RASGRF2: variants seen among roughly 807,000 people sequenced by gnomAD.
RASGRF2 encodes ras-specific guanine nucleotide-releasing factor 2.
Under a neutral mutation model 151.0 loss-of-function variants are expected in RASGRF2, and 76 were observed. The ratio of observed to expected loss-of-function variants is 0.50; its 90% CI spans 0.42 to 0.61. RASGRF2 has a LOEUF of 0.61. Ranked by LOEUF, RASGRF2 falls within the 20% of genes least tolerant of loss-of-function variation. The probability of loss-of-function intolerance (pLI) is 0.00; values close to 1 mark genes in which losing one functional copy is unlikely to be tolerated. For synonymous variants in RASGRF2, 504 were observed against 566.5 expected (o/e 0.89, Z 1.57); for missense variants, 1,148 against 1,564.6 (o/e 0.73, Z 4.49).
chr5:81,009,886 C>T (rs973197110), intron 1 of RASGRF2, among the ~76,000 whole-genome samples: 6 of 152,178 alleles, frequency 3.9e-5, no homozygotes, highest in South Asian at 4.2e-4. Context: ...AGGCCGGGTG[C>T]GGTGGCTCAC....
intron 19 of RASGRF2, among the ~76,000 whole-genome samples, chr5:81,205,814 T>C (rs1250454808): frequency 2.6e-5 from 4 of 152,098 alleles, no homozygotes; most frequent in African/African-American, 9.7e-5. Flanking sequence ...GCAGTGGCGC[T>C]ATCTCGGCTC....
chr5:81,027,552 G>T (rs779749812), intron 1 of RASGRF2, among the ~76,000 whole-genome samples: 8 of 152,140 alleles, frequency 5.3e-5, no homozygotes, highest in Non-Finnish European at 7.3e-5. Context: ...ATTTGTTTTG[G>T]TAGTTACAGT....
chr5:81,073,436 A>C lies in RASGRF2; in HGVS notation c.871A>C (p.Ser291Arg). ...KPPISHDDVS[S>R]IFLNSETIMF... ...CCCCATCAGCCACGACGACGTCAGCAGTATTTTTCTTAACAGGTTTGACAT... is the reference window on the plus strand; with the variant it reads ...CCCCATCAGCCACGACGACGTCAGCCGTATTTTTCTTAACAGGTTTGACAT... Residue 291 changes from serine to arginine, a missense_variant, in exon 5 of 27, where the codon AGT (serine) becomes CGT (arginine). Ser to Arg is a moderately radical substitution (Grantham distance 110). Coordinates refer to ENST00000265080, the MANE Select transcript of RASGRF2 (RefSeq NM_006909.3). 6.2e-7 allele frequency: 1 copy of C among 1,614,110 alleles called. No individual in the cohort carries two copies.
chr5:81,022,409 C>T (rs145532733), intron 1 of RASGRF2, among the ~76,000 whole-genome samples: 1 of 152,278 alleles, frequency 6.6e-6, no homozygotes, highest in East Asian at 1.9e-4. Flanking sequence ...TACTGATTTA[C>T]AGGATGTGGT....
chr5:80,985,747 A>C (rs1748453622), intron 1 of RASGRF2, among the ~76,000 whole-genome samples: 1 of 152,178 alleles, frequency 6.6e-6, no homozygotes, highest in African/African-American at 2.4e-5. Flanking sequence ...TAAGTGACCC[A>C]GCACAGGAAG....
chr5:81,212,757 T>C (rs1421361064), intron 23 of RASGRF2, among the ~76,000 whole-genome samples, 194 bp downstream of exon 23: 1 of 152,212 alleles, frequency 6.6e-6, no homozygotes, highest in Admixed American at 6.5e-5. Context: ...TTCTAAAACA[T>C]TCATTAAAGC....
chr5:80,973,387 T>G (rs556928390), intron 1 of RASGRF2, among the ~76,000 whole-genome samples: 3 of 152,352 alleles, frequency 2.0e-5, no homozygotes, highest in Non-Finnish European at 2.9e-5. Flanking sequence ...CCTCGGGTGC[T>G]GGGTTGTTGC....
chr5:81,019,206 C>A (rs1393345166), intron 1 of RASGRF2, among the ~76,000 whole-genome samples: 1 of 151,184 alleles, frequency 6.6e-6, no homozygotes, highest in Non-Finnish European at 1.5e-5. Flanking sequence ...TTCAGAGGAC[C>A]ACTCAATAGC....
rs537413301 is a variant in RASGRF2, at chr5:81,205,811, C to T, written c.2907-1034C>T. On this transcript the variant is annotated intron_variant, in intron 19 of 26. Coordinates refer to ENST00000265080, the MANE Select transcript of RASGRF2 (RefSeq NM_006909.3). ...TGTCGCCCAGGCTGGAGTGCAGTGG[C>T]GCTATCTCGGCTCACTGCAAGCTCT... Among the ~76,000 whole-genome samples, 334 of 152,190 alleles carry T rather than the reference C, an allele frequency of 2.2e-3. 4 individuals carry two copies. The highest frequency in any genetic ancestry group is 7.4e-3 in the African/African-American group (307 of 41,526).
chr5:81,146,154 G>A (rs180968327), intron 17 of RASGRF2, among the ~76,000 whole-genome samples: 13 of 152,246 alleles, frequency 8.5e-5, no homozygotes, highest in Non-Finnish European at 8.8e-5. Flanking sequence ...CACCTGAAGT[G>A]CTCTGAATTG....
intron 1 of RASGRF2, among the ~76,000 whole-genome samples, chr5:80,981,763 G>C (rs537553464): frequency 6.6e-6 from 1 of 152,076 alleles, no homozygotes; most frequent in East Asian, 1.9e-4. Context: ...AAGGGATTTC[G>C]CCATGTTGGC....
intron 2 of RASGRF2, among the ~76,000 whole-genome samples, chr5:81,067,543 A>G (rs1287511069): frequency 1.3e-5 from 2 of 152,224 alleles, no homozygotes; most frequent in African/African-American, 4.8e-5. Context: ...GTTGGTAGTC[A>G]CTAATACAGA....
intron 12 of RASGRF2, among the ~76,000 whole-genome samples, chr5:81,106,052 ATCT>A (rs1752836679): frequency 6.6e-6 from 1 of 152,220 alleles, no homozygotes; most frequent in Non-Finnish European, 1.5e-5. Context: ...TAATCAATGC[ATCT>A]TCTTGGTGCT....
chr5:81,059,017 C>A (rs1270109293), intron 2 of RASGRF2, among the ~76,000 whole-genome samples: 1 of 152,138 alleles, frequency 6.6e-6, no homozygotes, highest in Non-Finnish European at 1.5e-5. Flanking sequence ...AGTTCCAACT[C>A]TTCCCCCTTC....
chr5:81,118,972 A>G (rs970445131), intron 15 of RASGRF2, among the ~76,000 whole-genome samples: 1 of 152,134 alleles, frequency 6.6e-6, no homozygotes, highest in African/African-American at 2.4e-5. Flanking sequence ...TGCCTTTACT[A>G]TTCATATTTC....
chr5:81,154,580 T>C (rs944944925), intron 17 of RASGRF2, among the ~76,000 whole-genome samples: 1 of 152,172 alleles, frequency 6.6e-6, no homozygotes, highest in African/African-American at 2.4e-5. Context: ...AGATACACCA[T>C]ACATTAAGCC....
At chr5:81,154,821 T>C (rs1018550356) in intron 17 of RASGRF2, among the ~76,000 whole-genome samples, 11 of 152,210 alleles carry the variant, frequency 7.2e-5, no homozygotes, top group Non-Finnish European at 1.5e-4. Flanking sequence ...TGCTGGACCA[T>C]ATGGTAGTTC....
chr5:81,081,767 C>T (rs1752093825), intron 7 of RASGRF2, among the ~76,000 whole-genome samples: 2 of 152,200 alleles, frequency 1.3e-5, no homozygotes, highest in South Asian at 4.1e-4. Context: ...TTTGTCAGTC[C>T]TGCTCGAAAT....
At chr5:81,136,653 G>A (rs573432186) in intron 17 of RASGRF2, among the ~76,000 whole-genome samples, 6 of 152,068 alleles carry the variant, frequency 3.9e-5, no homozygotes, top group South Asian at 2.1e-4. Flanking sequence ...TCTGGGTTTC[G>A]TGTCTGTTAT....
Sources: allele counts gnomAD v4.1 joint callset (sites outside exome capture counted in the v4.1 genomes callset), GRCh38; gene constraint gnomAD v4.1.1; transcripts MANE v1.5; gene names NCBI Gene and HGNC (gene_info 2026-07-23, HGNC 2026-07-21).